The following TCF12 variants were observed in gnomAD, a reference collection of about 807,000 sequenced individuals.
TCF12 encodes the protein transcription factor 12.
TCF12 carries 45 observed loss-of-function variants against 86.0 expected under a neutral mutation model. The ratio of observed to expected loss-of-function variants is 0.52; its 90% CI spans 0.41 to 0.67. The LOEUF (loss-of-function observed/expected upper bound fraction) is 0.67. Among genes scored for constraint, TCF12 ranks in the 30% least tolerant of loss-of-function variants. The probability of loss-of-function intolerance (pLI) is 0.00; values close to 1 mark genes in which losing one functional copy is unlikely to be tolerated. For synonymous variants in TCF12, 330 were observed against 299.6 expected (o/e 1.10, Z -1.05); for missense variants, 881 against 859.9 (o/e 1.02, Z -0.31).
intron 3 of TCF12, among the ~76,000 whole-genome samples, chr15:56,983,210 G>A (rs1460994855): frequency 6.6e-6 from 1 of 152,156 alleles, no homozygotes; most frequent in African/African-American, 2.4e-5. Flanking sequence ...TTCTTTGACT[G>A]CTGCTGCTGC....
intron 3 of TCF12, among the ~76,000 whole-genome samples, chr15:57,021,045 A>G (rs17239068): frequency 0.041 from 6,170 of 152,244 alleles, 375 homozygotes; most frequent in Admixed American, 0.17. Flanking sequence ...ATATTCTTCA[A>G]TTACATTAAG....
intron 5 of TCF12, among the ~76,000 whole-genome samples, chr15:57,104,174 G>A (rs1364589389): frequency 6.6e-6 from 1 of 152,060 alleles, no homozygotes; most frequent in Non-Finnish European, 1.5e-5. Context: ...GTTAGTATCA[G>A]GAGAGACACC....
chr15:57,211,756 C>A (rs2058109729), intron 8 of TCF12, among the ~76,000 whole-genome samples: 1 of 152,188 alleles, frequency 6.6e-6, no homozygotes, highest in Admixed American at 6.5e-5. Context: ...GAGTTCAAGA[C>A]CAGCCTGGCC....
intron 5 of TCF12, among the ~76,000 whole-genome samples, chr15:57,100,140 G>T (rs2049622988): frequency 6.6e-6 from 1 of 152,142 alleles, no homozygotes; most frequent in African/African-American, 2.4e-5. Context: ...TTTGTGTCTA[G>T]TTCTAACCAA....
chr15:57,041,091 A>C (rs761441677), intron 3 of TCF12, among the ~76,000 whole-genome samples: 34 of 152,204 alleles, frequency 2.2e-4, no homozygotes, highest in Non-Finnish European at 4.1e-4. Flanking sequence ...AATTTGAGGC[A>C]GGATGTCCTA....
At chr15:57,078,902 T>A (rs1248542311) in intron 4 of TCF12, among the ~76,000 whole-genome samples, 1 of 152,192 alleles carries the variant, frequency 6.6e-6, no homozygotes. Context: ...CACAATTAGC[T>A]TTAGTTTCCT....
At chr15:57,142,733 A>G (rs2053069548) in intron 5 of TCF12, among the ~76,000 whole-genome samples, 1 of 152,142 alleles carries the variant, frequency 6.6e-6, no homozygotes, top group Admixed American at 6.5e-5. Context: ...GACACCACCT[A>G]ATGAAGTGGT....
At chr15:57,015,682 G>A (rs1355086397) in intron 3 of TCF12, among the ~76,000 whole-genome samples, 2 of 146,424 alleles carry the variant, frequency 1.4e-5, no homozygotes, top group African/African-American at 4.8e-5. Context: ...ATGTTTCTTA[G>A]ACAGTTTCTC....
rs777234282 is a variant in TCF12 at position 56,984,014 on chromosome 15, A to AAAAAAAAAAAAAAAAAAGAAG, written c.148+62918_148+62919insAAAAAAAAAAAAAAAGAAGAA. 4.9e-4 allele frequency among the ~76,000 whole-genome samples: 51 copies of AAAAAAAAAAAAAAAAAAGAAG among 104,386 alleles called. 1 individual carries two copies. The highest frequency in any genetic ancestry group is 5.5e-3 in the Middle Eastern group (1 of 182). The allele number at this position is 104,386 out of a possible 152,430, so 68.5% of individuals were successfully genotyped here. ...GAGACCCTGTCTCAAAAAAAAAAAA[A>AAAAAAAAAAAAAAAAAAGAAG]AAGAAGAAGAAGAATTTTGGATCAA... On this transcript the variant is annotated intron_variant, in intron 3 of 20. Coordinates refer to ENST00000333725, the MANE Select transcript of TCF12 (RefSeq NM_207037.2).
intron 3 of TCF12, among the ~76,000 whole-genome samples, chr15:56,983,724 G>A (rs573152534): frequency 1.3e-5 from 2 of 152,150 alleles, no homozygotes; most frequent in Admixed American, 1.3e-4. Flanking sequence ...CAAGGGGCTA[G>A]GCACGGTGGC....
intron 3 of TCF12, among the ~76,000 whole-genome samples, chr15:56,964,271 A>G (rs547131981): frequency 1.2e-4 from 19 of 152,336 alleles, no homozygotes; most frequent in Non-Finnish European, 5.9e-5. Flanking sequence ...AGTTGCTTCT[A>G]ATTTTAAGAG....
intron 5 of TCF12, among the ~76,000 whole-genome samples, chr15:57,121,154 A>T (rs1354177056): frequency 6.6e-6 from 1 of 152,176 alleles, no homozygotes; most frequent in African/African-American, 2.4e-5. Context: ...ATAGATGATG[A>T]CATCTACCAG....
At chr15:57,233,482 T>C (rs2059253294) in intron 11 of TCF12, among the ~76,000 whole-genome samples, 1 of 152,020 alleles carries the variant, frequency 6.6e-6, no homozygotes, top group South Asian at 2.1e-4. Context: ...GTGGCCTCTT[T>C]TTTTATTTTT....
intron 3 of TCF12, among the ~76,000 whole-genome samples, chr15:56,962,717 C>G (rs1374929427): frequency 6.6e-6 from 1 of 152,202 alleles, no homozygotes; most frequent in Non-Finnish European, 1.5e-5. Flanking sequence ...TCTTAAGTTA[C>G]TTTCTGATAC....
intron 3 of TCF12, among the ~76,000 whole-genome samples, chr15:56,989,564 C>G (rs1418377517): frequency 6.6e-6 from 1 of 151,988 alleles, no homozygotes; most frequent in Non-Finnish European, 1.5e-5. Context: ...GTGTGTCTGT[C>G]TTTCTAAATC....
rs375223182 is a variant in TCF12 at position 57,209,473 on chromosome 15, A to G, written c.579+11648A>G. 1.2e-3 allele frequency among the ~76,000 whole-genome samples: 182 copies of G among 152,340 alleles called. 2 individuals are homozygous for G. The highest frequency in any genetic ancestry group is 4.2e-3 in the African/African-American group (174 of 41,576). On this transcript the variant is annotated intron_variant, in intron 8 of 20. Transcript: ENST00000333725. ...AACAATACAGGAATTATTTTTCTAA[A>G]GGAAATAAGTTACGGTTTCATTGAC...
intron 4 of TCF12, among the ~76,000 whole-genome samples, chr15:57,064,812 A>AAAAAAAAAAAAAG (rs554263213): frequency 4.9e-5 from 6 of 123,456 alleles, no homozygotes; most frequent in African/African-American, 1.2e-4. Context: ...AAAAAAAAAA[A>AAAAAAAAAAAAAG]AGAGAGAGAG....
intron 3 of TCF12, among the ~76,000 whole-genome samples, chr15:57,045,232 A>C (rs1178144443): frequency 6.6e-6 from 1 of 152,240 alleles, no homozygotes; most frequent in East Asian, 1.9e-4. Context: ...TTTTCACAAA[A>C]GGAACTGGGG....
intron 3 of TCF12, among the ~76,000 whole-genome samples, chr15:57,035,811 C>T (rs1214147193): frequency 6.6e-6 from 1 of 152,094 alleles, no homozygotes; most frequent in Non-Finnish European, 1.5e-5. Context: ...CAGGGGTCCC[C>T]AAACCCCTGG....
Sources: gnomAD v4.1 joint callset for allele counts (sites outside exome capture counted in the v4.1 genomes callset) on GRCh38, gnomAD v4.1.1 for gene constraint, MANE v1.5 for transcripts, NCBI Gene and HGNC (gene_info 2026-07-23, HGNC 2026-07-21) for gene names.